Variants in CSNK1G3 observed in about 807,000 individuals in gnomAD.
The protein encoded by CSNK1G3 is casein kinase I isoform gamma-3.
A neutral mutation model predicts 64.3 loss-of-function variants in CSNK1G3; 23 were observed. The ratio of observed to expected loss-of-function variants is 0.36; its 90% CI spans 0.26 to 0.51. The LOEUF (loss-of-function observed/expected upper bound fraction) is 0.51. CSNK1G3 is among the 20% of genes least tolerant of loss of function. CSNK1G3 has a pLI of 0.96. For synonymous variants in CSNK1G3, 158 were observed against 162.2 expected, an observed-to-expected ratio of 0.97 and a Z score of 0.20; for missense variants, 357 against 510.5, an observed-to-expected ratio of 0.70 and a Z score of 2.90.
At chr5:123,593,985 G>A (rs1030335391) in intron 10 of CSNK1G3, among the ~76,000 whole-genome samples, 4 of 152,026 alleles carry the variant, frequency 2.6e-5, no homozygotes, top group Non-Finnish European at 5.9e-5. Context: ...TTTAATTTTC[G>A]TAAGGAGCTA....
chr5:123,514,901 G>A (rs956619460), intron 1 of CSNK1G3, among the ~76,000 whole-genome samples: 3 of 152,074 alleles, frequency 2.0e-5, no homozygotes, highest in Admixed American at 6.5e-5. Context: ...TCAGTTTGAG[G>A]CATGAAGGTC....
chr5:123,525,830 A>G (rs372683861), intron 1 of CSNK1G3, among the ~76,000 whole-genome samples: 5 of 151,432 alleles, frequency 3.3e-5, no homozygotes, highest in East Asian at 4.0e-4. Context: ...CGTCTCTACT[A>G]AAAAAACAAA....
At chr5:123,558,234 T>G (rs2150426427) in intron 4 of CSNK1G3, among the ~76,000 whole-genome samples, 1 of 152,292 alleles carries the variant, frequency 6.6e-6, no homozygotes, top group Middle Eastern at 3.4e-3. Flanking sequence ...AGCCACCAAA[T>G]TTGTAGTAAT....
At chr5:123,541,370 A>G (rs995637835) in intron 1 of CSNK1G3, among the ~76,000 whole-genome samples, 4 of 152,078 alleles carry the variant, frequency 2.6e-5, no homozygotes, top group African/African-American at 7.2e-5. Flanking sequence ...TATATGTGCT[A>G]TTTACACAGT....
intron 1 of CSNK1G3, among the ~76,000 whole-genome samples, chr5:123,530,034 A>G (rs907817203): frequency 6.6e-6 from 1 of 151,174 alleles, no homozygotes. Flanking sequence ...CTATTTTGAG[A>G]TGTGTTCGGG....
At chr5:123,607,720 G>C (rs775177247) in intron 12 of CSNK1G3, among the ~76,000 whole-genome samples, 2 of 152,066 alleles carry the variant, frequency 1.3e-5, no homozygotes, top group Admixed American at 6.6e-5. Flanking sequence ...AGTTTATAAC[G>C]TGAAAAATAT....
chr5:123,548,453 C>A, intron 2 of CSNK1G3, among the ~76,000 whole-genome samples: 1 of 87,334 alleles, frequency 1.1e-5, no homozygotes, highest in African/African-American at 5.5e-5. Context: ...GAGTAAGACT[C>A]TGTCTCAAAA....
chr5:123,573,331 A>G (rs1373757855), intron 4 of CSNK1G3, 62 bp from the exon 5 acceptor site: 2 of 1,521,404 alleles, frequency 1.3e-6, no homozygotes, highest in East Asian at 4.5e-5. Context: ...ATCAGTTTTT[A>G]AGAGGAAAAC....
intron 6 of CSNK1G3, among the ~76,000 whole-genome samples, chr5:123,578,710 A>T (rs1458053719): frequency 6.6e-6 from 1 of 151,864 alleles, no homozygotes; most frequent in Non-Finnish European, 1.5e-5. Context: ...CTTTACCTTC[A>T]TTACATTTTA....
intron 1 of CSNK1G3, among the ~76,000 whole-genome samples, chr5:123,529,351 A>T (rs1243380469): frequency 6.6e-6 from 1 of 152,230 alleles, no homozygotes; most frequent in East Asian, 1.9e-4. Flanking sequence ...ACTTTATAAA[A>T]CATAACTGCT....
At chr5:123,541,543 C>T (rs989305313) in intron 1 of CSNK1G3, among the ~76,000 whole-genome samples, 3 of 152,248 alleles carry the variant, frequency 2.0e-5, no homozygotes, top group Non-Finnish European at 4.4e-5. Context: ...ATTCTCCCAC[C>T]TCAGCCTCCC....
At chr5:123,541,198 AGTTTT>A (rs1317883534) in intron 1 of CSNK1G3, among the ~76,000 whole-genome samples, 3 of 151,638 alleles carry the variant, frequency 2.0e-5, no homozygotes, top group Non-Finnish European at 4.4e-5. Context: ...TTTTCTTTTT[AGTTTT>A]GTTTTGCCTC....
intron 6 of CSNK1G3, among the ~76,000 whole-genome samples, chr5:123,582,784 A>G (rs1257701433): frequency 1.3e-5 from 2 of 152,280 alleles, no homozygotes; most frequent in Non-Finnish European, 2.9e-5. Flanking sequence ...CATGTAAAAG[A>G]ACTGTTAAAG....
chr5:123,585,823 A>G (rs1791226920), intron 6 of CSNK1G3, among the ~76,000 whole-genome samples: 1 of 152,182 alleles, frequency 6.6e-6, no homozygotes, highest in Non-Finnish European at 1.5e-5. Context: ...TGCAACTGAA[A>G]CTCCCATACA....
chr5:123,609,456 T>C (rs998499635), intron 12 of CSNK1G3, among the ~76,000 whole-genome samples: 2 of 152,200 alleles, frequency 1.3e-5, no homozygotes, highest in African/African-American at 4.8e-5. Flanking sequence ...ATTATAGTAT[T>C]GGACCATTTG....
At chr5:123,525,627 C>G (rs1246232138) in intron 1 of CSNK1G3, among the ~76,000 whole-genome samples, 2 of 152,008 alleles carry the variant, frequency 1.3e-5, no homozygotes, top group African/African-American at 4.8e-5. Context: ...GAGACAATCT[C>G]AAACACACAA....
chr5:123,565,670 G>C (rs189673606), intron 4 of CSNK1G3, among the ~76,000 whole-genome samples: 6 of 152,288 alleles, frequency 3.9e-5, no homozygotes, highest in Non-Finnish European at 8.8e-5. Flanking sequence ...CGGTTCTGTA[G>C]GCTGTATAGG....
chr5:123,533,703 A>G (rs1025441736), intron 1 of CSNK1G3, among the ~76,000 whole-genome samples: 22 of 151,566 alleles, frequency 1.5e-4, no homozygotes, highest in African/African-American at 4.6e-4. Flanking sequence ...TTTATGTGTT[A>G]TTATACTTCT....
chr5:123,567,685 A>G (rs1787197603), intron 4 of CSNK1G3, among the ~76,000 whole-genome samples: 3 of 152,216 alleles, frequency 2.0e-5, no homozygotes, highest in South Asian at 4.1e-4. Context: ...AGTAAGTAAT[A>G]AAAGTTTGTC....
Sources: gnomAD v4.1 joint callset for allele counts (sites outside exome capture counted in the v4.1 genomes callset) on GRCh38, gnomAD v4.1.1 for gene constraint, MANE v1.5 for transcripts, NCBI Gene and HGNC (gene_info 2026-07-23, HGNC 2026-07-21) for gene names.